Variants in EXOC4 observed in about 807,000 individuals in gnomAD.
The protein encoded by EXOC4 is exocyst complex component 4, also known as SEC8-like 1.
EXOC4 carries 71 observed loss-of-function variants against 107.2 expected under a neutral mutation model. The ratio of observed to expected loss-of-function variants is 0.66; its 90% CI spans 0.55 to 0.81. EXOC4 has a LOEUF of 0.81. EXOC4 is among the 30% of genes least tolerant of loss of function. The pLI is 0.00. For synonymous variants in EXOC4, 456 were observed against 441.2 expected (o/e 1.03, Z -0.42); for missense variants, 1,108 against 1,189.6 (o/e 0.93, Z 1.01).
chr7:133,708,661 T>G (rs1794819734), intron 10 of EXOC4, among the ~76,000 whole-genome samples: 1 of 152,194 alleles, frequency 6.6e-6, no homozygotes. Context: ...TATCATTATT[T>G]CCCATTTAAA....
intron 7 of EXOC4, among the ~76,000 whole-genome samples, chr7:133,378,708 G>C (rs1398514039): frequency 1.3e-5 from 2 of 151,966 alleles, no homozygotes; most frequent in Non-Finnish European, 2.9e-5. Flanking sequence ...AGATAGATAC[G>C]TAGCTGAGAA....
At chr7:133,647,026 A>G (rs762350075) in intron 10 of EXOC4, among the ~76,000 whole-genome samples, 1 of 152,180 alleles carries the variant, frequency 6.6e-6, no homozygotes. Flanking sequence ...TAAAGCCATA[A>G]GGAGTCAAAT....
At chr7:134,098,424 A>G in the EXOC4 span, among the ~76,000 whole-genome samples, 5 of 152,206 alleles carry the variant, frequency 3.3e-5, no homozygotes, top group African/African-American at 4.8e-5. Flanking sequence ...GGTGTAACCC[A>G]ACCCAATTCT....
At chr7:133,569,952 G>A (rs1341667499) in intron 9 of EXOC4, among the ~76,000 whole-genome samples, 2 of 151,996 alleles carry the variant, frequency 1.3e-5, no homozygotes, top group Admixed American at 1.3e-4. Context: ...CTTTCTGTTC[G>A]CCACTAATTT....
At position 134,009,238 on chromosome 7, in the gene EXOC4, G is replaced by A. The variant is rs6951783; in HGVS notation, c.2687+1403G>A. Among the ~76,000 whole-genome samples, 1,362 of 150,508 alleles carry A rather than the reference G, an allele frequency of 9.0e-3. 20 individuals are homozygous for A. The highest frequency in any genetic ancestry group is 0.032 in the African/African-American group (1,269 of 40,068). On this transcript the variant is annotated intron_variant, in intron 17 of 17. Coordinates refer to ENST00000253861, the MANE Select transcript of EXOC4 (RefSeq NM_021807.4). ...TCTGCCTGAGATTTAGTATTTCTGT[G>A]GTCTTTTCACTTGATTTTTTTGATT...
chr7:133,390,038 A>G (rs1173772750), intron 7 of EXOC4, among the ~76,000 whole-genome samples: 1 of 152,122 alleles, frequency 6.6e-6, no homozygotes, highest in African/African-American at 2.4e-5. Flanking sequence ...CCTTCCCACA[A>G]CACGTGGGAA....
intron 10 of EXOC4, among the ~76,000 whole-genome samples, chr7:133,780,714 A>C (rs1023703927): frequency 6.6e-6 from 1 of 152,142 alleles, no homozygotes; most frequent in Non-Finnish European, 1.5e-5. Context: ...GGCTAGGAGC[A>C]ACCTGGGGGA....
intron 14 of EXOC4, among the ~76,000 whole-genome samples, chr7:133,962,649 A>T (rs1420784739): frequency 6.6e-6 from 1 of 152,216 alleles, no homozygotes; most frequent in African/African-American, 2.4e-5. Flanking sequence ...AACATTTAGC[A>T]TGCAAGTTAA....
intron 3 of EXOC4, among the ~76,000 whole-genome samples, chr7:133,304,403 C>A (rs930530804): frequency 3.3e-5 from 5 of 152,208 alleles, no homozygotes; most frequent in Non-Finnish European, 5.9e-5. Context: ...GGGGCAGTTG[C>A]AAGTCAGCGT....
chr7:133,971,414 A>AGAGAGAGAGAG (rs1801234710), intron 14 of EXOC4, among the ~76,000 whole-genome samples: 1 of 144,170 alleles, frequency 6.9e-6, no homozygotes, highest in African/African-American at 2.5e-5. Flanking sequence ...AGAGAGAGAG[A>AGAGAGAGAGAG]ATATGTATTC....
intron 11 of EXOC4, among the ~76,000 whole-genome samples, chr7:133,860,010 C>T (rs1413864382): frequency 2.6e-5 from 4 of 152,188 alleles, no homozygotes; most frequent in South Asian, 2.1e-4. Flanking sequence ...ATGTTTGTTT[C>T]TATTCATTAT....
intron 17 of EXOC4, among the ~76,000 whole-genome samples, chr7:134,050,156 G>C (rs1795750858): frequency 6.6e-6 from 1 of 152,108 alleles, no homozygotes; most frequent in African/African-American, 2.4e-5. Flanking sequence ...AAATATATTT[G>C]GAAGGATACC....
chr7:133,569,039 T>G (rs1800964721), intron 9 of EXOC4, among the ~76,000 whole-genome samples: 1 of 152,092 alleles, frequency 6.6e-6, no homozygotes, highest in African/African-American at 2.4e-5. Context: ...AGAAAACTAA[T>G]TTGAGAGAGT....
intron 5 of EXOC4, among the ~76,000 whole-genome samples, chr7:133,337,728 G>A (rs1287424226): frequency 1.4e-5 from 2 of 146,198 alleles, no homozygotes; most frequent in Non-Finnish European, 3.0e-5. Flanking sequence ...CAACCTTCCA[G>A]GCTTAGTTGA....
chr7:133,415,260 G>A (rs1274757569), intron 7 of EXOC4, among the ~76,000 whole-genome samples: 1 of 152,152 alleles, frequency 6.6e-6, no homozygotes, highest in Non-Finnish European at 1.5e-5. Flanking sequence ...TTTTTGTGTA[G>A]ACATGTGTTT....
At chr7:133,917,025 T>C (rs1021358926) in intron 12 of EXOC4, among the ~76,000 whole-genome samples, 5 of 152,180 alleles carry the variant, frequency 3.3e-5, no homozygotes, top group Admixed American at 2.0e-4. Flanking sequence ...GAGATGGCAG[T>C]AATCAAAGGC....
chr7:133,723,370 A>G (rs113523498), intron 10 of EXOC4, among the ~76,000 whole-genome samples: 2 of 152,358 alleles, frequency 1.3e-5, no homozygotes, highest in African/African-American at 4.8e-5. Flanking sequence ...AATTGGTTAG[A>G]GAGGAGAAAT....
chr7:133,818,387 T>C (rs575425941), intron 11 of EXOC4, among the ~76,000 whole-genome samples: 2 of 152,322 alleles, frequency 1.3e-5, no homozygotes, highest in Admixed American at 1.3e-4. Flanking sequence ...GTTGTATATA[T>C]GGAAGGGAGT....
At chr7:133,276,316 A>G (rs1380584303) in intron 2 of EXOC4, among the ~76,000 whole-genome samples, 1 of 152,208 alleles carries the variant, frequency 6.6e-6, no homozygotes, top group Admixed American at 6.5e-5. Flanking sequence ...GTATAACATT[A>G]TAGTTATGTG....
Sources: allele counts gnomAD v4.1 joint callset (sites outside exome capture counted in the v4.1 genomes callset), GRCh38; gene constraint gnomAD v4.1.1; transcripts MANE v1.5; gene names NCBI Gene and HGNC (gene_info 2026-07-23, HGNC 2026-07-21).